The following MITF variants were observed in gnomAD, a reference collection of about 807,000 sequenced individuals.
MITF encodes the protein melanocyte inducing transcription factor.
Under a neutral mutation model 60.5 loss-of-function variants are expected in MITF, and 17 were observed. The ratio of observed to expected loss-of-function variants is 0.28; its 90% CI spans 0.19 to 0.42. The LOEUF is 0.42. MITF is among the 10% of genes least tolerant of loss of function. MITF has a pLI of 1.00. For missense variants in MITF, 622 were observed against 683.5 expected (o/e 0.91, Z 1.00); for synonymous variants, 260 against 248.5 (o/e 1.05, Z -0.43).
Position 69,949,177 on chromosome 3 carries a change from C to A in MITF, c.880+9C>A. On this transcript the variant is annotated intron_variant, in intron 6 of 9. Transcript: ENST00000352241. ...AAAAAGGGAGCTCACAGGTAAACAC[C>A]TAGTAAATGTGCCTCTTACTGCAGA... 6.3e-7 allele frequency: 1 copy of A among 1,578,966 alleles called. No homozygotes were observed. Among genetic ancestry groups the A allele is most frequent in the Non-Finnish European group, 8.7e-7 (1 of 1,148,036 alleles).
intron 1 of MITF, among the ~76,000 whole-genome samples, chr3:69,760,084 T>C (rs931547238): frequency 3.9e-5 from 6 of 152,234 alleles, no homozygotes; most frequent in African/African-American, 1.4e-4. Context: ...AGCCCTGATC[T>C]CTCATTTTTA....
intron 2 of MITF, among the ~76,000 whole-genome samples, chr3:69,883,537 G>A (rs897583513): frequency 2.0e-5 from 3 of 152,134 alleles, no homozygotes; most frequent in African/African-American, 7.2e-5. Context: ...TATTTTTTAG[G>A]TATAACACAG....
At chr3:69,947,535 CTTAG>C (rs750664205) in intron 5 of MITF, among the ~76,000 whole-genome samples, 9 of 152,118 alleles carry the variant, frequency 5.9e-5, no homozygotes, top group Non-Finnish European at 1.2e-4. Context: ...TTATCAATTC[CTTAG>C]TTAGAGGGCC....
chr3:69,739,746 G>C (rs760814079), intron 1 of MITF, 45 bp downstream of exon 1: 1 of 1,415,556 alleles, frequency 7.1e-7, no homozygotes, highest in Admixed American at 2.0e-5. Flanking sequence ...CGGCTGGGGG[G>C]CACTGCGTCT....
intron 1 of MITF, among the ~76,000 whole-genome samples, chr3:69,741,021 A>G (rs1489840388): frequency 6.6e-6 from 1 of 152,158 alleles, no homozygotes; most frequent in Non-Finnish European, 1.5e-5. Context: ...GGGGAAGAAA[A>G]TCTGGGAACA....
At position 69,801,786 on chromosome 3, in the gene MITF, A is replaced by T. The variant is rs113959400; in HGVS notation, c.104+62085A>T. On this transcript the variant is annotated intron_variant, in intron 1 of 9. Coordinates refer to ENST00000352241, the MANE Select transcript of MITF (RefSeq NM_001354604.2). ...AACTGCATTGGAAAATGGGCTATAGAGTATGGTGGAGAGCTCAGGGCCTTG... is the reference window on the plus strand; with the variant it reads ...AACTGCATTGGAAAATGGGCTATAGTGTATGGTGGAGAGCTCAGGGCCTTG... 4.2e-3 allele frequency among the ~76,000 whole-genome samples: 641 copies of T among 152,252 alleles called. 6 individuals are homozygous for T. The highest frequency in any genetic ancestry group is 0.014 in the African/African-American group (595 of 41,548).
intron 1 of MITF, among the ~76,000 whole-genome samples, chr3:69,769,990 T>A (rs1047895948): frequency 6.6e-6 from 1 of 152,242 alleles, no homozygotes; most frequent in African/African-American, 2.4e-5. Context: ...ATTTGCTAAA[T>A]CTAGCAATGC....
At chr3:69,749,336 T>G (rs1430071349) in intron 1 of MITF, among the ~76,000 whole-genome samples, 1 of 152,218 alleles carries the variant, frequency 6.6e-6, no homozygotes, top group Non-Finnish European at 1.5e-5. Context: ...TTTTGTTTTG[T>G]TTTTAGCATT....
At chr3:69,756,465 A>AT (rs34858804) in intron 1 of MITF, among the ~76,000 whole-genome samples, 40 of 150,240 alleles carry the variant, frequency 2.7e-4, no homozygotes, top group South Asian at 2.1e-3. Context: ...ACATGAACTC[A>AT]TTTTTTTTTT....
At chr3:69,952,974 G>A (rs2066293619) in intron 7 of MITF, among the ~76,000 whole-genome samples, 2 of 152,118 alleles carry the variant, frequency 1.3e-5, no homozygotes, top group South Asian at 2.1e-4. Context: ...CCTATCATAA[G>A]CAATGCCACA....
At chr3:69,862,687 C>T (rs1241802612) in intron 1 of MITF, among the ~76,000 whole-genome samples, 1 of 152,094 alleles carries the variant, frequency 6.6e-6, no homozygotes, top group Non-Finnish European at 1.5e-5. Context: ...TTCTGAAACC[C>T]AGTTTAGCTT....
chr3:69,825,325 C>A (rs774245391), intron 1 of MITF, among the ~76,000 whole-genome samples: 3 of 152,216 alleles, frequency 2.0e-5, no homozygotes, highest in Non-Finnish European at 4.4e-5. Flanking sequence ...GTTGAATAAA[C>A]CAATTTTAGG....
chr3:69,827,794 A>G (rs1270575205), intron 1 of MITF, among the ~76,000 whole-genome samples: 1 of 152,144 alleles, frequency 6.6e-6, no homozygotes, highest in Non-Finnish European at 1.5e-5. Context: ...TGCACAAGAT[A>G]TACAGAAGAC....
intron 1 of MITF, chr3:69,763,532 C>T (rs2062241947): frequency 9.0e-7 from 1 of 1,105,394 alleles, no homozygotes; most frequent in Non-Finnish European, 1.1e-6. Flanking sequence ...TGCCAAGGAT[C>T]CTGTTAATTA....
intron 2 of MITF, among the ~76,000 whole-genome samples, chr3:69,899,904 G>T (rs2064959549): frequency 6.6e-6 from 1 of 151,990 alleles, no homozygotes; most frequent in African/African-American, 2.4e-5. Context: ...CTCTCCTTGG[G>T]GTCTGCCAGG....
chr3:69,871,688 C>G (rs1040420513), intron 1 of MITF, among the ~76,000 whole-genome samples: 30 of 152,290 alleles, frequency 2.0e-4, no homozygotes, highest in African/African-American at 6.7e-4. Context: ...TGATGGTGGT[C>G]TAAGGCTTTT....
chr3:69,800,336 G>A (rs1441933245), intron 1 of MITF, among the ~76,000 whole-genome samples: 1 of 151,990 alleles, frequency 6.6e-6, no homozygotes, highest in African/African-American at 2.4e-5. Flanking sequence ...ACCACATTTT[G>A]TTTATTCATT....
chr3:69,751,510 C>G (rs1703933398), intron 1 of MITF, among the ~76,000 whole-genome samples: 2 of 151,360 alleles, frequency 1.3e-5, no homozygotes, highest in Admixed American at 6.6e-5. Context: ...CCAGGAAATT[C>G]AGCCTACCCC....
intron 2 of MITF, among the ~76,000 whole-genome samples, chr3:69,902,873 G>GA (rs60852386): frequency 0.025 from 3,762 of 148,950 alleles, 132 homozygotes; most frequent in African/African-American, 0.087. Flanking sequence ...GTAAAATGCA[G>GA]AAAAAAAAAC....
Sources: allele counts gnomAD v4.1 joint callset (sites outside exome capture counted in the v4.1 genomes callset), GRCh38; gene constraint gnomAD v4.1.1; transcripts MANE v1.5; gene names NCBI Gene and HGNC (gene_info 2026-07-23, HGNC 2026-07-21).